Variants in TLE4 observed in about 807,000 individuals in gnomAD.
The protein encoded by TLE4 is transducin-like enhancer protein 4.
In TLE4, 8 loss-of-function variants were observed where a neutral mutation model predicts 92.8. The ratio of observed to expected loss-of-function variants is 0.09; its 90% confidence interval spans 0.05 to 0.16. TLE4 has a LOEUF of 0.16. TLE4 is among the 10% of genes least tolerant of loss of function. The probability of loss-of-function intolerance (pLI) is 1.00; values close to 1 mark genes in which losing one functional copy is unlikely to be tolerated. For synonymous variants in TLE4, 371 were observed against 374.1 expected, an observed-to-expected ratio of 0.99 and a Z score of 0.10; for missense variants, 675 against 997.6, an observed-to-expected ratio of 0.68 and a Z score of 4.36.
At chr9:79,586,375 G>T (rs56845989) in intron 4 of TLE4, among the ~76,000 whole-genome samples, 1 of 149,992 alleles carries the variant, frequency 6.7e-6, no homozygotes, top group African/African-American at 2.5e-5. Flanking sequence ...AAAAAAAAAA[G>T]AAAAGAAAAT....
At chr9:79,573,111 G>A in intron 1 of TLE4, 1 of 390,664 alleles carries the variant, frequency 2.6e-6, no homozygotes, top group Non-Finnish European at 3.5e-6. Flanking sequence ...TCCCCGCGCC[G>A]CGACTCCTCG....
At position 79,726,865 on chromosome 9, in the gene TLE4, G is replaced by T. The variant is rs970166238; in HGVS notation, c.*1721G>T. The T allele has an allele frequency of 4.0e-5, 6 of 151,870 alleles. No homozygotes were observed. The highest frequency in any genetic ancestry group is 2.1e-4 in the South Asian group (1 of 4,790). The allele number at this position is 151,870 out of a possible 1,614,324, so 9.4% of individuals were successfully genotyped here. On this transcript the variant is annotated 3_prime_UTR_variant, in exon 20 of 20. Transcript: ENST00000376552. ...GGGAGATTGTTGTTAAAGTAAAGTG[G>T]TTTTTTTTGTTGTTAAAGTAATGTG...
At chr9:79,640,781 A>G (rs12343514) in intron 6 of TLE4, among the ~76,000 whole-genome samples, 12,946 of 152,120 alleles carry the variant, frequency 0.085, 588 homozygotes, top group Middle Eastern at 0.11. Flanking sequence ...CCTGCCCTTC[A>G]TTCTTGCCAC....
intron 8 of TLE4, among the ~76,000 whole-genome samples, chr9:79,700,131 T>G (rs2069389560): frequency 6.6e-6 from 1 of 152,206 alleles, no homozygotes; most frequent in Non-Finnish European, 1.5e-5. Flanking sequence ...TTATGTGGAT[T>G]ATTTTTCTTG....
chr9:79,574,750 A>T, intron 2 of TLE4, 123 bp from the exon 3 acceptor site: 1 of 749,454 alleles, frequency 1.3e-6, no homozygotes, highest in Non-Finnish European at 2.2e-6. Context: ...TTCCATAATG[A>T]TGGGGGTATT....
chr9:79,619,944 C>T (rs1210409230), intron 5 of TLE4, among the ~76,000 whole-genome samples: 1 of 152,204 alleles, frequency 6.6e-6, no homozygotes, highest in South Asian at 2.1e-4. Context: ...GCTTGCTGTA[C>T]CTGACCATGT....
chr9:79,700,841 TACAC>T (rs894110221), intron 8 of TLE4, among the ~76,000 whole-genome samples: 9 of 151,944 alleles, frequency 5.9e-5, no homozygotes, highest in Non-Finnish European at 1.2e-4. Context: ...TTTGCTGAGA[TACAC>T]ACACACATAC....
intron 4 of TLE4, among the ~76,000 whole-genome samples, chr9:79,592,313 A>G (rs1284552603): frequency 4.6e-5 from 6 of 129,350 alleles, no homozygotes; most frequent in South Asian, 2.3e-4. Context: ...TCTCACTCTG[A>G]TGCCCAGGCT....
chr9:79,697,166 A>G (rs1441131705), intron 8 of TLE4, among the ~76,000 whole-genome samples: 1 of 152,198 alleles, frequency 6.6e-6, no homozygotes, highest in African/African-American at 2.4e-5. Flanking sequence ...CTGGAGAACA[A>G]ATGGACACAG....
chr9:79,589,635 A>G (rs1420440893), intron 4 of TLE4, among the ~76,000 whole-genome samples: 1 of 152,074 alleles, frequency 6.6e-6, no homozygotes, highest in African/African-American at 2.4e-5. Flanking sequence ...AGTCACTAGA[A>G]TTAGTCTTAC....
chr9:79,676,597 T>C (rs1347829699), intron 8 of TLE4, among the ~76,000 whole-genome samples: 7 of 152,152 alleles, frequency 4.6e-5, no homozygotes, highest in Non-Finnish European at 1.0e-4. Context: ...TTGTATTTTG[T>C]TTTTTAAATA....
At chr9:79,675,054 T>A (rs999966696) in intron 8 of TLE4, among the ~76,000 whole-genome samples, 12 of 152,208 alleles carry the variant, frequency 7.9e-5, no homozygotes, top group African/African-American at 2.9e-4. Context: ...TGGTTTTTTT[T>A]ATAACCACTA....
chr9:79,573,869 CCTT>C (rs2036777125), intron 2 of TLE4, 83 bp downstream of exon 2: 11 of 1,017,636 alleles, frequency 1.1e-5, no homozygotes, highest in Non-Finnish European at 1.5e-5. Context: ...TTACCCTCCT[CCTT>C]TTTTGTGGGG....
intron 13 of TLE4, among the ~76,000 whole-genome samples, chr9:79,709,125 G>A (rs2072555273): frequency 6.6e-6 from 1 of 152,094 alleles, no homozygotes; most frequent in Non-Finnish European, 1.5e-5. Flanking sequence ...GAGTCACCAT[G>A]CCTGGCCTAT....
Position 79,706,806 on chromosome 9 carries a change from G to T in TLE4, c.843G>T (p.Lys281Asn). The T allele has an allele frequency of 1.2e-6, 2 of 1,614,164 alleles. No individual in the cohort carries two copies. Among genetic ancestry groups the T allele is most frequent in the Non-Finnish European group, 1.7e-6 (2 of 1,180,026 alleles). The change falls in exon 11 of 20, where the codon AAG (lysine) becomes AAT (asparagine). Residue 281 changes from lysine to asparagine, a missense_variant. Lys to Asn is a moderately conservative substitution (Grantham distance 94, BLOSUM62 0). Transcript: ENST00000376552. ...AHSPRENGLD[K>N]TRLLKKDAPI... is the part of the protein sequence containing the mutation. The stretch of plus-strand genomic sequence containing the variant: ...CCCCCAGAGAGAATGGCCTAGACAA[G>T]ACACGCCTGCTCAAGAAAGATGCCC...
chr9:79,700,077 C>G (rs985166339), intron 8 of TLE4, among the ~76,000 whole-genome samples: 3 of 152,178 alleles, frequency 2.0e-5, no homozygotes, highest in Non-Finnish European at 4.4e-5. Flanking sequence ...CTAAGTTGCA[C>G]TGTTGAGGGG....
chr9:79,720,020 TC>T lies in TLE4; in HGVS notation c.1591-25del, dbSNP rs781048888. On this transcript the variant is annotated intron_variant, in intron 15 of 19. Transcript: ENST00000376552. ...GCTGTTTTCCTTTCCTCATGAGTAA[TC>T]TCTTGATGGTTTTTGTCTCTACAGA... The T allele has an allele frequency of 2.0e-5, 32 of 1,581,580 alleles. No homozygotes were observed. The African/African-American group carries it at 3.9e-4, about 19-fold the overall frequency.
chr9:79,724,104 C>A (rs1221925288), intron 19 of TLE4, among the ~76,000 whole-genome samples: 1 of 151,588 alleles, frequency 6.6e-6, no homozygotes, highest in African/African-American at 2.4e-5. Flanking sequence ...TCTCCCCTCT[C>A]GCAAATTTGT....
chr9:79,577,113 G>C (rs2038075916), intron 4 of TLE4, among the ~76,000 whole-genome samples: 1 of 152,168 alleles, frequency 6.6e-6, no homozygotes, highest in East Asian at 1.9e-4. Context: ...TGTCTGCTGG[G>C]AAAAAGACAA....
Sources: allele counts gnomAD v4.1 joint callset (sites outside exome capture counted in the v4.1 genomes callset), GRCh38; gene constraint gnomAD v4.1.1; transcripts MANE v1.5; gene names NCBI Gene and HGNC (gene_info 2026-07-23, HGNC 2026-07-21).